DUSP16: variants seen among roughly 807,000 people sequenced by gnomAD.
DUSP16 encodes dual specificity phosphatase 16, also known as dual specificity protein phosphatase 16.
In DUSP16, 21 loss-of-function variants were observed where a neutral mutation model predicts 58.3. That is an observed-to-expected ratio of 0.36 (90% CI 0.26 to 0.52). The LOEUF (loss-of-function observed/expected upper bound fraction) is 0.52, where lower values mean the gene tolerates loss of function less well. Ranked by LOEUF, DUSP16 falls within the 20% of genes least tolerant of loss-of-function variation. The pLI, the probability that DUSP16 is intolerant of heterozygous loss-of-function variation, is 0.94. For synonymous variants in DUSP16, 320 were observed against 323.8 expected (o/e 0.99, Z 0.12); for missense variants, 726 against 819.0 (o/e 0.89, Z 1.39).
chr12:12,525,893 T>TA (rs1478568553), intron 1 of DUSP16, among the ~76,000 whole-genome samples: 2 of 151,718 alleles, frequency 1.3e-5, no homozygotes, highest in African/African-American at 2.4e-5. Flanking sequence ...ACATACTAGT[T>TA]AGAGAGTACC....
At chr12:12,480,404 CTT>C in intron 5 of DUSP16, 58 bp from the exon 6 acceptor site, 3 of 1,581,432 alleles carry the variant, frequency 1.9e-6, no homozygotes, top group Non-Finnish European at 2.6e-6. Context: ...GCAGTGAAAT[CTT>C]GTTTCCATTT....
At chr12:12,511,529 A>C (rs1224243931) in intron 3 of DUSP16, among the ~76,000 whole-genome samples, 1 of 151,550 alleles carries the variant, frequency 6.6e-6, no homozygotes, top group Non-Finnish European at 1.5e-5. Flanking sequence ...AATGCGCAGA[A>C]CCCTCCCTAC....
intron 1 of DUSP16, among the ~76,000 whole-genome samples, chr12:12,558,068 T>C (rs1046089623): frequency 2.6e-5 from 4 of 152,274 alleles, no homozygotes; most frequent in African/African-American, 4.8e-5. Context: ...TCTTTGCATA[T>C]GTATGTATCT....
rs1361328270 is a variant in DUSP16, at chr12:12,477,313, A to T, written c.1518T>A (p.Ser506Arg). ...QRSLLSPLHR[S>R]GSVEDNYHTS... is the part of the protein sequence containing the mutation. ...TGTGGTAATTGTCCTCCACGCTCCCACTTCGATGCAGTGGAGATAAAAGGG... is the reference window on the plus strand; with the variant it reads ...TGTGGTAATTGTCCTCCACGCTCCCTCTTCGATGCAGTGGAGATAAAAGGG... Residue 506 changes from serine to arginine, a missense_variant, in exon 7 of 7, where the codon AGT becomes AGA. Ser to Arg is a moderately radical substitution (Grantham distance 110). Transcript: ENST00000298573. This position sits in a 1 kb window ranked among gnomAD's most constrained non-coding sequence, Gnocchi z 4.1. The T allele has an allele frequency of 6.2e-7, 1 of 1,614,228 alleles. No homozygotes were observed. Among genetic ancestry groups the T allele is most frequent in the Non-Finnish European group, 8.5e-7 (1 of 1,180,046 alleles).
intron 4 of DUSP16, among the ~76,000 whole-genome samples, chr12:12,488,205 C>G (rs1372746984): frequency 6.6e-6 from 1 of 152,176 alleles, no homozygotes; most frequent in Non-Finnish European, 1.5e-5. Flanking sequence ...CACACGATTC[C>G]TGTGCTTAGA....
rs995079399 is a variant in DUSP16, at chr12:12,474,087, C to T, written c.*2746G>A. 6.6e-6 allele frequency: 1 copy of T among 152,220 alleles called. No individual in the cohort carries two copies. Among genetic ancestry groups the T allele is most frequent in the African/African-American group, 2.4e-5 (1 of 41,452 alleles). 9.4% of individuals were successfully genotyped at this position (152,220 alleles called of 1,614,324 possible). On this transcript the variant is annotated 3_prime_UTR_variant, in exon 7 of 7. Coordinates refer to ENST00000298573, the MANE Select transcript of DUSP16 (RefSeq NM_030640.3). ...ACAGAACACGGAATAAACCTGATGACACCACCACTTTATTTTGAGCTAAAT... is the reference window on the plus strand; with the variant it reads ...ACAGAACACGGAATAAACCTGATGATACCACCACTTTATTTTGAGCTAAAT...
chr12:12,500,760 A>T, intron 3 of DUSP16, 78 bp from the exon 4 acceptor site: 3 of 1,332,880 alleles, frequency 2.3e-6, no homozygotes. Flanking sequence ...AACTGCTCAA[A>T]CAGTTTAAAC....
chr12:12,512,214 T>C (rs1012743165), intron 3 of DUSP16, among the ~76,000 whole-genome samples: 17 of 152,172 alleles, frequency 1.1e-4, no homozygotes, highest in Non-Finnish European at 1.6e-4. Context: ...CCCAGCTTTA[T>C]TGAAGTATGA....
At chr12:12,511,109 A>G (rs372775481) in intron 3 of DUSP16, among the ~76,000 whole-genome samples, 17 of 152,242 alleles carry the variant, frequency 1.1e-4, no homozygotes, top group East Asian at 3.8e-4. Flanking sequence ...TAAAAACACA[A>G]AATAAAAATG....
chr12:12,483,551 G>C (rs1365150861), intron 5 of DUSP16, among the ~76,000 whole-genome samples: 3 of 152,046 alleles, frequency 2.0e-5, no homozygotes, highest in Non-Finnish European at 4.4e-5. Context: ...AGGGTAGGCA[G>C]GACTCAAATA....
rs574456556 is a variant in DUSP16 at position 12,484,735 on chromosome 12, C to A, written c.691+2293G>T. 5.3e-5 allele frequency among the ~76,000 whole-genome samples: 8 copies of A among 152,170 alleles called. No homozygotes were observed. In the South Asian group the frequency reaches 1.7e-3, roughly 32 times the overall value. On this transcript the variant is annotated intron_variant, in intron 5 of 6. Coordinates refer to ENST00000298573, the MANE Select transcript of DUSP16 (RefSeq NM_030640.3). ...ATCCCAGGTTCAAGAGATTCTCCTG[C>A]CTCAGCCTCCCAAGTAGCTGGGATT... is the stretch of plus-strand genomic sequence containing the variant.
In DUSP16 at chr12:12,474,123, G is replaced by T. The variant is rs1006958074; in HGVS notation, c.*2710C>A. 2.0e-5 allele frequency: 3 copies of T among 152,234 alleles called. No individual in the cohort carries two copies. Among genetic ancestry groups the T allele is most frequent in the Non-Finnish European group, 4.4e-5 (3 of 68,040 alleles). 9.4% of individuals were successfully genotyped at this position (152,234 alleles called of 1,614,324 possible). On this transcript the variant is annotated 3_prime_UTR_variant, in exon 7 of 7. Coordinates refer to ENST00000298573, the MANE Select transcript of DUSP16 (RefSeq NM_030640.3). ...TATTTTGAGCTAAATCCTCATTTAA[G>T]TGAGAACAGGACAGGTTTCACCACT...
At chr12:12,500,463 G>A (rs1241579215) in intron 4 of DUSP16, 56 bp downstream of exon 4, 1 of 1,516,782 alleles carries the variant, frequency 6.6e-7, no homozygotes, top group African/African-American at 1.4e-5. Context: ...GGTAACTGCT[G>A]TTTCTCCAGC....
chr12:12,530,358 C>A (rs1944366774), intron 1 of DUSP16, among the ~76,000 whole-genome samples: 2 of 152,118 alleles, frequency 1.3e-5, no homozygotes, highest in Non-Finnish European at 2.9e-5. Context: ...AAGTTACTTG[C>A]TTTCTTGCCA....
intron 1 of DUSP16, among the ~76,000 whole-genome samples, chr12:12,528,836 T>C (rs932430291): frequency 1.1e-4 from 16 of 146,136 alleles, no homozygotes; most frequent in Admixed American, 4.0e-4. Context: ...GGAGAAAAAA[T>C]AGAGCAAGAG....
At chr12:12,489,034 C>A (rs752643315) in intron 4 of DUSP16, among the ~76,000 whole-genome samples, 6 of 152,120 alleles carry the variant, frequency 3.9e-5, no homozygotes. Flanking sequence ...GAGCTGAGAT[C>A]GCGCCATTGC....
At position 12,475,729 on chromosome 12, in the gene DUSP16, C is replaced by T. The variant is rs1943417944; in HGVS notation, c.*1104G>A. ...AGCAATTTGTACCTTTCTTAATCTT[C>T]CCATAATTTACCTCCCTAGGAAGTT... On this transcript the variant is annotated 3_prime_UTR_variant, in exon 7 of 7. Coordinates refer to ENST00000298573, the MANE Select transcript of DUSP16 (RefSeq NM_030640.3). 6.6e-6 allele frequency: 1 copy of T among 152,204 alleles called. No homozygotes were observed. Among genetic ancestry groups the T allele is most frequent in the Non-Finnish European group, 1.5e-5 (1 of 68,030 alleles). The allele number at this position is 152,204 out of a possible 1,614,324, so 9.4% of individuals were successfully genotyped here. A position where few individuals can be genotyped will look rare whatever the true frequency, so the allele number is the denominator to read the frequency against.
At chr12:12,561,777 T>C (rs1285429535) in intron 1 of DUSP16, among the ~76,000 whole-genome samples, 1 of 151,588 alleles carries the variant, frequency 6.6e-6, no homozygotes, top group Non-Finnish European at 1.5e-5. Flanking sequence ...GCCGCTCCTC[T>C]CGGCGGGGCC....
chr12:12,510,467 T>G (rs1944061366), intron 3 of DUSP16, among the ~76,000 whole-genome samples: 1 of 152,210 alleles, frequency 6.6e-6, no homozygotes, highest in Non-Finnish European at 1.5e-5. Flanking sequence ...CTAAGACCAC[T>G]TCTGTATATT....
Sources: gnomAD v4.1 joint callset for allele counts (sites outside exome capture counted in the v4.1 genomes callset) on GRCh38, gnomAD v4.1.1 for gene constraint, Gnocchi (gnomAD v3.1) non-coding constraint, MANE v1.5 for transcripts, NCBI Gene and HGNC (gene_info 2026-07-23, HGNC 2026-07-21) for gene names.